KCNH4: variants seen among roughly 807,000 people sequenced by gnomAD.
KCNH4 encodes voltage-gated delayed rectifier potassium channel KCNH4.
In KCNH4, 33 loss-of-function variants were observed where a neutral mutation model predicts 90.7. The observed-to-expected ratio is 0.36, with a 90% CI of 0.28 to 0.49. KCNH4 has a LOEUF of 0.49. KCNH4 is among the 20% of genes least tolerant of loss of function. KCNH4 has a pLI of 0.98. For synonymous variants in KCNH4, 551 were observed against 581.7 expected, an observed-to-expected ratio of 0.95 and a Z score of 0.76; for missense variants, 1,044 against 1,387.1, an observed-to-expected ratio of 0.75 and a Z score of 3.93.
chr17:42,166,928 T>TC, intron 9 of KCNH4, among the ~76,000 whole-genome samples: 1 of 152,266 alleles, frequency 6.6e-6, no homozygotes, highest in Non-Finnish European at 1.5e-5. Flanking sequence ...GGCCTCAGTA[T>TC]CCCAGTCTGT....
chr17:42,159,818 A>G lies in KCNH4; in HGVS notation c.*222T>C, dbSNP rs973858963. ...TCATCTCATGCCTGCTGGGTTCCAC[A>G]GCCCTCAGGTGGCTCCCCTCACAGA... On this transcript the variant is annotated 3_prime_UTR_variant, in exon 16 of 17. Transcript: ENST00000264661. 3.9e-5 allele frequency: 16 copies of G among 405,932 alleles called. No individual in the cohort carries two copies. In the Admixed American group the frequency reaches 6.7e-4, roughly 17 times the overall value. The allele number at this position is 405,932 out of a possible 1,614,324, so 25.1% of individuals were successfully genotyped here. A position where few individuals can be genotyped will look rare whatever the true frequency, so the allele number is the denominator to read the frequency against.
In KCNH4 at chr17:42,160,519, G is replaced by C. The variant is rs117596174; in HGVS notation, c.2659-84C>G. The C allele has an allele frequency of 3.5e-6, 5 of 1,425,492 alleles. No individual in the cohort carries two copies. In the African/African-American group the frequency reaches 4.3e-5, roughly 12 times the overall value. 88.3% of individuals were successfully genotyped at this position (1,425,492 alleles called of 1,614,324 possible). On this transcript the variant is annotated intron_variant, in intron 15 of 16. Coordinates refer to ENST00000264661, the MANE Select transcript of KCNH4 (RefSeq NM_012285.3). ...CCTCTCCAGTTTACAAAGCTCTTTC[G>C]CAGCCACTTTCTGCTCATGGCCACC...
intron 8 of KCNH4, 92 bp from the exon 9 acceptor site, chr17:42,169,768 G>A: frequency 7.4e-7 from 1 of 1,355,764 alleles, no homozygotes; most frequent in Non-Finnish European, 1.0e-6. Context: ...CCAAGAGCCA[G>A]CGGGCTCCTG....
At chr17:42,173,213 G>A (rs2079839392) in intron 6 of KCNH4, among the ~76,000 whole-genome samples, 1 of 151,918 alleles carries the variant, frequency 6.6e-6, no homozygotes, top group South Asian at 2.1e-4. Flanking sequence ...TGGGGAACTT[G>A]GTATGAAAGC....
chr17:42,178,733 T>C, intron 2 of KCNH4, 60 bp downstream of exon 2: 1 of 1,437,676 alleles, frequency 7.0e-7, no homozygotes, highest in African/African-American at 1.4e-5. Flanking sequence ...CTGTGCCCAG[T>C]GCCCTCTGGA....
Position 42,169,568 on chromosome 17 carries a change from C to A in KCNH4, c.1499G>T (p.Arg500Leu), listed in dbSNP as rs751033182. 6.2e-7 allele frequency: 1 copy of A among 1,613,776 alleles called. No individual in the cohort carries two copies. The highest frequency in any genetic ancestry group is 8.5e-7 in the Non-Finnish European group (1 of 1,180,016). The change falls in exon 9 of 17, where the codon CGT becomes CTT. Residue 500 changes from arginine to leucine, a missense_variant. Arg to Leu is a moderately radical substitution (Grantham distance 102). Transcript: ENST00000264661. Reference protein sequence around the residue: ...SRMKDLKDFIRVHRLPRPLKQ... With the variant: ...SRMKDLKDFILVHRLPRPLKQ... Reference sequence around the variant, plus strand: ...GAGCGGCCGCGGCAGGCGGTGCACACGGATGAAGTCCTTGAGGTCCTTCAT... The same window carrying A: ...GAGCGGCCGCGGCAGGCGGTGCACAAGGATGAAGTCCTTGAGGTCCTTCAT...
At chr17:42,164,540 C>T (rs1259408759) in intron 11 of KCNH4, among the ~76,000 whole-genome samples, 2 of 152,086 alleles carry the variant, frequency 1.3e-5, no homozygotes, top group Non-Finnish European at 2.9e-5. Flanking sequence ...TGGTGGCTCA[C>T]GCCTGTAATC....
chr17:42,163,748 A>G lies in KCNH4; in HGVS notation c.2335T>C (p.Ser779Pro). ...FSALVSSPSL[S>P]PSLSPALAGQ... Reference sequence around the variant, plus strand: ...GCCAGGGCAGGGGACAGGGATGGGGATAAGGAAGGAGAGGAGACAAGGGCT... The same window carrying G: ...GCCAGGGCAGGGGACAGGGATGGGGGTAAGGAAGGAGAGGAGACAAGGGCT... The change falls in exon 13 of 17, where the codon TCC (serine) becomes CCC (proline). Residue 779 changes from serine (S) to proline (P), a missense_variant. Ser to Pro is a moderately conservative substitution (Grantham distance 74). Coordinates refer to ENST00000264661, the MANE Select transcript of KCNH4 (RefSeq NM_012285.3). This position sits in a 1 kb window ranked among gnomAD's most constrained non-coding sequence, Gnocchi z 5.4. 6.4e-7 allele frequency: 1 copy of G among 1,559,062 alleles called. No individual in the cohort carries two copies. Among genetic ancestry groups the G allele is most frequent in the Admixed American group, 2.0e-5 (1 of 49,922 alleles).
chr17:42,171,694 GT>G (rs2079827822), intron 7 of KCNH4, 93 bp downstream of exon 7: 2 of 1,073,414 alleles, frequency 1.9e-6, no homozygotes, highest in Non-Finnish European at 2.9e-6. Flanking sequence ...ATAGAGGAAT[GT>G]GGGATGAGGG....
In KCNH4 at chr17:42,176,240, AC is replaced by A. The variant is rs753954093; in HGVS notation, c.642del (p.Ser215LeufsTer62). ...CTGTAGTGGAGGAGGAGGCAGCGAG[AC>A]CCCCCCACGGAGGCCACCTTGTACT... ...VPEYKVASVG[G>X]SRCLLLHYSV... On this transcript the variant is annotated frameshift_variant, in exon 5 of 17. Coordinates refer to ENST00000264661, the MANE Select transcript of KCNH4 (RefSeq NM_012285.3). LOFTEE classifies it high-confidence loss of function. 2 of 1,611,522 alleles carry A rather than the reference AC, an allele frequency of 1.2e-6. No homozygotes were observed. The highest frequency in any genetic ancestry group is 1.1e-5 in the South Asian group (1 of 90,980).
At chr17:42,162,709 C>T (rs949434082) in intron 14 of KCNH4, among the ~76,000 whole-genome samples, 4 of 152,080 alleles carry the variant, frequency 2.6e-5, no homozygotes, top group African/African-American at 9.7e-5. Flanking sequence ...TCTCCTGTCT[C>T]AGCCTTCCGA....
At chr17:42,171,679 G>T in intron 7 of KCNH4, 109 bp downstream of exon 7, 1 of 978,956 alleles carries the variant, frequency 1.0e-6, no homozygotes. Context: ...ATGTTTGTTG[G>T]ATGGATAGAG....
At chr17:42,172,683 G>A (rs774449213) in intron 6 of KCNH4, among the ~76,000 whole-genome samples, 11 of 151,782 alleles carry the variant, frequency 7.2e-5, no homozygotes, top group Admixed American at 2.0e-4. Flanking sequence ...CCAAGGACAC[G>A]ATAGAGTTGG....
chr17:42,162,268 C>G lies in KCNH4; in HGVS notation c.2638G>C (p.Val880Leu). 1 of 1,614,046 alleles carries G rather than the reference C, an allele frequency of 6.2e-7. No individual in the cohort carries two copies. The highest frequency in any genetic ancestry group is 8.5e-7 in the Non-Finnish European group (1 of 1,179,968). The change falls in exon 15 of 17, where the codon GTT becomes CTT. Residue 880 changes from valine (V) to leucine (L), a missense_variant. Transcript: ENST00000264661. ...CCCACCTCCTGGTTCAGCCGGCAAA[C>G]CTTTTCCTTCACCTCCTCAGCCTCA... The part of the protein sequence containing the change: ...ASEAEEVKEK[V>L]CRLNQEISRL...
intron 11 of KCNH4, among the ~76,000 whole-genome samples, chr17:42,164,935 A>G (rs1168640769): frequency 2.0e-5 from 3 of 151,952 alleles, no homozygotes; most frequent in Admixed American, 1.3e-4. Context: ...GTGAAACGCT[A>G]TCTCTACTAA....
At chr17:42,166,739 G>C (rs1358897604) in intron 9 of KCNH4, among the ~76,000 whole-genome samples, 193 bp from the exon 10 acceptor site, 3 of 152,134 alleles carry the variant, frequency 2.0e-5, no homozygotes, top group Admixed American at 6.5e-5. Context: ...CCCAATTTCA[G>C]GGGCAGAGAC....
At chr17:42,160,920 C>CTTTTTTTTTTTTTTTT (rs57677761) in intron 15 of KCNH4, among the ~76,000 whole-genome samples, 2 of 73,414 alleles carry the variant, frequency 2.7e-5, no homozygotes, top group Non-Finnish European at 4.8e-5. Flanking sequence ...TTTTCTTTTT[C>CTTTTTTTTTTTTTTTT]TTTTTTTTTT....
chr17:42,176,587 A>G (rs1175318570), intron 4 of KCNH4, among the ~76,000 whole-genome samples: 1 of 121,432 alleles, frequency 8.2e-6, no homozygotes, highest in African/African-American at 3.3e-5. Flanking sequence ...CAAGGGCATG[A>G]TCTTGGCTCA....
chr17:42,171,857 T>A lies in KCNH4; in HGVS notation c.1126A>T (p.Met376Leu). The change falls in exon 7 of 17, where the codon ATG becomes TTG. Residue 376 changes from methionine (M) to leucine (L), a missense_variant. Coordinates refer to ENST00000264661, the MANE Select transcript of KCNH4 (RefSeq NM_012285.3). ...CCGATGACATACCAGATGCAGGCCA[T>A]CCAGTGGGCAAGGAGCGCAAAGACC... Reference protein sequence around the residue: ...MSVFALLAHWMACIWYVIGRR... With the variant: ...MSVFALLAHWLACIWYVIGRR... 5 of 1,614,046 alleles carry A rather than the reference T, an allele frequency of 3.1e-6. No homozygotes were observed. Among genetic ancestry groups the A allele is most frequent in the Non-Finnish European group, 4.2e-6 (5 of 1,180,012 alleles).
Sources: allele counts gnomAD v4.1 joint callset (sites outside exome capture counted in the v4.1 genomes callset), GRCh38; gene constraint gnomAD v4.1.1; non-coding constraint Gnocchi (gnomAD v3.1); transcripts MANE v1.5; gene names NCBI Gene and HGNC (gene_info 2026-07-23, HGNC 2026-07-21).